Variants in ZNF804B observed in about 807,000 individuals in gnomAD.
ZNF804B encodes zinc finger 804B.
A neutral mutation model predicts 101.4 loss-of-function variants in ZNF804B; 80 were observed. That is an observed-to-expected ratio of 0.79 (90% CI 0.66 to 0.95). The LOEUF is 0.95. ZNF804B is among the 40% of genes least tolerant of loss of function. ZNF804B has a pLI of 0.00. For synonymous variants in ZNF804B, 622 were observed against 558.8 expected (o/e 1.11, Z -1.59); for missense variants, 1,673 against 1,561.9 (o/e 1.07, Z -1.20).
At chr7:89,143,101 C>T (rs567643829) in intron 1 of ZNF804B, among the ~76,000 whole-genome samples, 6 of 151,594 alleles carry the variant, frequency 4.0e-5, no homozygotes, top group South Asian at 2.1e-4. Context: ...TGGCAGTTTA[C>T]GGATACATAG....
chr7:88,769,421 A>T (rs1450246628), intron 1 of ZNF804B, among the ~76,000 whole-genome samples: 2 of 152,224 alleles, frequency 1.3e-5, no homozygotes, highest in African/African-American at 2.4e-5. Flanking sequence ...TCACTTATCA[A>T]TCCAAATTGC....
chr7:89,251,100 G>A (rs1304982081), intron 2 of ZNF804B, among the ~76,000 whole-genome samples: 1 of 152,000 alleles, frequency 6.6e-6, no homozygotes, highest in Non-Finnish European at 1.5e-5. Context: ...AGAATAATCA[G>A]GCAAGATAAA....
intron 2 of ZNF804B, among the ~76,000 whole-genome samples, chr7:89,261,639 C>T (rs1177810193): frequency 1.3e-5 from 2 of 152,152 alleles, no homozygotes; most frequent in South Asian, 2.1e-4. Context: ...GTATAGCCTA[C>T]TACACACCTA....
chr7:88,942,323 A>G (rs1793065535), intron 1 of ZNF804B, among the ~76,000 whole-genome samples: 1 of 151,980 alleles, frequency 6.6e-6, no homozygotes. Flanking sequence ...ATTGTGACAA[A>G]AATTAACAAA....
intron 2 of ZNF804B, among the ~76,000 whole-genome samples, chr7:89,306,248 C>T (rs1790560163): frequency 1.3e-5 from 2 of 151,984 alleles, no homozygotes; most frequent in South Asian, 2.1e-4. Flanking sequence ...ATCCCATTAT[C>T]GTTGTGTATT....
chr7:89,168,705 T>TTTTTCCG (rs397890188), intron 1 of ZNF804B, among the ~76,000 whole-genome samples: 1 of 147,730 alleles, frequency 6.8e-6, no homozygotes, highest in African/African-American at 2.5e-5. Context: ...TTTTTTTTTT[T>TTTTTCCG]GCACGGGCCT....
At chr7:88,879,693 A>C (rs1036772728) in intron 1 of ZNF804B, among the ~76,000 whole-genome samples, 2 of 152,158 alleles carry the variant, frequency 1.3e-5, no homozygotes, top group Non-Finnish European at 2.9e-5. Context: ...CACCCTGTGG[A>C]AATTCAATTT....
chr7:88,771,760 G>A (rs1363973025), intron 1 of ZNF804B, among the ~76,000 whole-genome samples: 1 of 152,076 alleles, frequency 6.6e-6, no homozygotes, highest in African/African-American at 2.4e-5. Flanking sequence ...AATATTACAT[G>A]CCAATTTTCA....
chr7:89,279,585 C>T (rs990967792), intron 2 of ZNF804B, among the ~76,000 whole-genome samples: 152 of 152,080 alleles, frequency 1.0e-3, no homozygotes, highest in African/African-American at 3.3e-3. Flanking sequence ...TTGTCAAAGG[C>T]CTTTTCTGCA....
intron 1 of ZNF804B, among the ~76,000 whole-genome samples, chr7:89,193,948 T>A (rs1358173662): frequency 5.9e-5 from 9 of 152,072 alleles, no homozygotes; most frequent in Non-Finnish European, 7.4e-5. Context: ...AAGAGTTCCT[T>A]TTTCTCCACA....
rs115907578 is a variant in ZNF804B, at chr7:88,764,870, C to T, written c.108+4786C>T. On this transcript the variant is annotated intron_variant, in intron 1 of 3. Coordinates refer to ENST00000333190, the MANE Select transcript of ZNF804B (RefSeq NM_181646.5). The stretch of plus-strand genomic sequence containing the variant: ...TTGAATTCATGAATGCATAATACTA[C>T]CTTTCATGTTGGAATTTTCAGACGT... Among the ~76,000 whole-genome samples, 133 of 152,206 alleles carry T rather than the reference C, an allele frequency of 8.7e-4. No homozygotes were observed. In the Middle Eastern group the frequency reaches 0.017, roughly 19 times the overall value.
intron 1 of ZNF804B, among the ~76,000 whole-genome samples, chr7:88,931,679 A>G (rs141657785): frequency 5.9e-5 from 9 of 151,764 alleles, no homozygotes; most frequent in East Asian, 1.9e-4. Flanking sequence ...CTTTGATTGT[A>G]TGCTCCATAA....
rs778338676 is a variant in ZNF804B at position 88,762,679 on chromosome 7, A to T, written c.108+2595A>T. Among the ~76,000 whole-genome samples, 193 of 151,642 alleles carry T rather than the reference A, an allele frequency of 1.3e-3. 1 individual carries two copies. The highest frequency in any genetic ancestry group is 2.3e-3 in the Non-Finnish European group (157 of 67,916). ...ATAAAATACATTCATCTATTTCCTT[A>T]AAAAAACATAGCTACTCTGACTTTT... On this transcript the variant is annotated intron_variant, in intron 1 of 3. Transcript: ENST00000333190.
At chr7:89,195,508 A>G (rs891396060) in intron 1 of ZNF804B, among the ~76,000 whole-genome samples, 1 of 149,380 alleles carries the variant, frequency 6.7e-6, no homozygotes, top group South Asian at 2.1e-4. Context: ...ATACAAAATC[A>G]ATGTACAAAA....
At chr7:88,937,115 CAA>C (rs3034325) in intron 1 of ZNF804B, among the ~76,000 whole-genome samples, 62 of 110,894 alleles carry the variant, frequency 5.6e-4, no homozygotes, top group African/African-American at 1.5e-3. Flanking sequence ...ATGAGAATAG[CAA>C]AAAAAAAAAA....
At chr7:88,957,168 C>T (rs1038112586) in intron 1 of ZNF804B, among the ~76,000 whole-genome samples, 1 of 151,438 alleles carries the variant, frequency 6.6e-6, no homozygotes, top group African/African-American at 2.4e-5. Flanking sequence ...CTTCTGGCCC[C>T]TTTGGCGCTT....
chr7:89,140,314 G>T (rs991325917), intron 1 of ZNF804B, among the ~76,000 whole-genome samples: 1 of 152,008 alleles, frequency 6.6e-6, no homozygotes, highest in Non-Finnish European at 1.5e-5. Flanking sequence ...GAATGGTAAA[G>T]GTGCATTGGC....
chr7:89,291,561 G>A (rs1481032343), intron 2 of ZNF804B, among the ~76,000 whole-genome samples: 1 of 151,884 alleles, frequency 6.6e-6, no homozygotes, highest in Non-Finnish European at 1.5e-5. Flanking sequence ...TTGAAGACAG[G>A]TTATTTAAAA....
At chr7:89,291,263 T>C (rs965546975) in intron 2 of ZNF804B, among the ~76,000 whole-genome samples, 1 of 149,684 alleles carries the variant, frequency 6.7e-6, no homozygotes, top group African/African-American at 2.5e-5. Flanking sequence ...ATCTAGAAAA[T>C]ATCACCTCAC....
Sources: gnomAD v4.1 joint callset for allele counts (sites outside exome capture counted in the v4.1 genomes callset) on GRCh38, gnomAD v4.1.1 for gene constraint, MANE v1.5 for transcripts, NCBI Gene and HGNC (gene_info 2026-07-23, HGNC 2026-07-21) for gene names.